The following KCTD3 variants were observed in gnomAD, a reference collection of about 807,000 sequenced individuals.
KCTD3 encodes BTB/POZ domain-containing protein KCTD3.
Under a neutral mutation model 85.8 loss-of-function variants are expected in KCTD3, and 41 were observed. The ratio of observed to expected loss-of-function variants is 0.48; its 90% CI spans 0.37 to 0.62. The LOEUF is 0.62. Ranked by LOEUF, KCTD3 falls within the 20% of genes least tolerant of loss-of-function variation. The probability of loss-of-function intolerance (pLI) is 0.00; values close to 1 mark genes in which losing one functional copy is unlikely to be tolerated. For synonymous variants in KCTD3, 338 were observed against 345.4 expected (o/e 0.98, Z 0.24); for missense variants, 724 against 989.9 (o/e 0.73, Z 3.60).
chr1:215,615,408 C>G (rs1056387270), intron 15 of KCTD3, among the ~76,000 whole-genome samples: 25 of 152,144 alleles, frequency 1.6e-4, no homozygotes, highest in African/African-American at 5.1e-4. Flanking sequence ...ATCACAAGGT[C>G]AGGAGATTGA....
At chr1:215,583,740 C>T (rs1393592118) in intron 8 of KCTD3, among the ~76,000 whole-genome samples, 1 of 152,174 alleles carries the variant, frequency 6.6e-6, no homozygotes, top group Non-Finnish European at 1.5e-5. Context: ...TCTGTAACTT[C>T]TGCAGTCTGA....
chr1:215,602,972 C>T (rs1199453081), intron 12 of KCTD3, among the ~76,000 whole-genome samples: 1 of 152,098 alleles, frequency 6.6e-6, no homozygotes, highest in Non-Finnish European at 1.5e-5. Flanking sequence ...GTTTAGTAAA[C>T]CACGGATTTC....
chr1:215,608,249 C>A, intron 14 of KCTD3, 77 bp downstream of exon 14: 1 of 902,344 alleles, frequency 1.1e-6, no homozygotes, highest in Non-Finnish European at 1.6e-6. Context: ...AATAAAACCA[C>A]AAAAATGAGT....
rs1325890669 is a variant in KCTD3, at chr1:215,621,159, T to C, written c.*541T>C. 6.5e-6 allele frequency: 1 copy of C among 152,856 alleles called. No individual in the cohort carries two copies. Among genetic ancestry groups the C allele is most frequent in the Admixed American group, 6.5e-5 (1 of 15,282 alleles). The allele number at this position is 152,856 out of a possible 1,614,324, so 9.5% of individuals were successfully genotyped here. ...AACACTATTGATATTGAATACCAGA[T>C]ACCACTATGTAGTAAGTCTTTTAGG... On this transcript the variant is annotated 3_prime_UTR_variant, in exon 18 of 18. Transcript: ENST00000259154.
intron 3 of KCTD3, among the ~76,000 whole-genome samples, chr1:215,574,599 G>A (rs914960336): frequency 1.3e-5 from 2 of 152,146 alleles, no homozygotes; most frequent in Admixed American, 1.3e-4. Context: ...CCATTTGGAG[G>A]CAACAAAGTG....
chr1:215,581,705 A>G (rs1659831569), intron 8 of KCTD3, among the ~76,000 whole-genome samples: 1 of 152,234 alleles, frequency 6.6e-6, no homozygotes, highest in South Asian at 2.1e-4. Context: ...TGCTTTCACC[A>G]AGTGTCTGAC....
At position 215,611,931 on chromosome 1, in the gene KCTD3, T is replaced by C. The variant is rs760085722; in HGVS notation, c.1562+10T>C. ...CATCGACTGGAAAAAGGTAACACTT[T>C]ATTGTAAAAATATTTGTATTCAGAA... On this transcript the variant is annotated intron_variant, in intron 15 of 17. Coordinates refer to ENST00000259154, the MANE Select transcript of KCTD3 (RefSeq NM_016121.5). The C allele has an allele frequency of 1.7e-5, 27 of 1,552,120 alleles. No homozygotes were observed. The highest frequency in any genetic ancestry group is 1.0e-4 in the Admixed American group (6 of 59,562).
chr1:215,604,143 A>G lies in KCTD3; in HGVS notation c.1150A>G (p.Asn384Asp). The G allele has an allele frequency of 1.2e-6, 2 of 1,611,830 alleles. No homozygotes were observed. Among genetic ancestry groups the G allele is most frequent in the Admixed American group, 3.4e-5 (2 of 59,548 alleles). Residue 384 changes from asparagine (N) to aspartate (D), a missense_variant, in exon 13 of 18, where the codon AAC becomes GAC. Around this residue, in one of 6 missense-constraint regions of KCTD3, gnomAD observed 146 missense variants for 320.3 expected, o/e 0.46. Transcript: ENST00000259154. ...YLTPKTSVSG[N>D]WIEIAYGTSS... is the part of the protein sequence containing the mutation. ...TTGACTTTATATAGGTGTCAGTGGT[A>G]ACTGGATCGAGATCGCCTATGGTAC... is the stretch of plus-strand genomic sequence containing the variant.
At chr1:215,591,298 C>G (rs1295512914) in intron 9 of KCTD3, among the ~76,000 whole-genome samples, 1 of 125,764 alleles carries the variant, frequency 8.0e-6, no homozygotes, top group Non-Finnish European at 1.6e-5. Flanking sequence ...TTCCTTCCTT[C>G]CTTCCTTCCT....
In KCTD3 at chr1:215,620,577, C is replaced by T; in HGVS notation, c.2407C>T (p.His803Tyr). The T allele has an allele frequency of 6.2e-7, 1 of 1,605,698 alleles. No homozygotes were observed. The highest frequency in any genetic ancestry group is 8.5e-7 in the Non-Finnish European group (1 of 1,177,174). The change falls in exon 18 of 18, where the codon CAT becomes TAT. Residue 803 changes from histidine to tyrosine, a missense_variant. By Grantham distance (83) the His-to-Tyr change is moderately conservative. Coordinates refer to ENST00000259154, the MANE Select transcript of KCTD3 (RefSeq NM_016121.5). The stretch of plus-strand genomic sequence containing the variant: ...TACAAAGACTACTCCATCTCCTCGG[C>T]ATAAAAAAAGTGATTCTTCAGGTCA... ...SPTKTTPSPR[H>Y]KKSDSSGQEY...
rs1179170559 is a variant in KCTD3, at chr1:215,579,044, T to A, written c.442T>A (p.Ser148Thr). 1 of 1,582,168 alleles carries A rather than the reference T, an allele frequency of 6.3e-7. No individual in the cohort carries two copies. The highest frequency in any genetic ancestry group is 1.9e-5 in the Admixed American group (1 of 51,732). Residue 148 changes from serine (S) to threonine (T), a missense_variant, in exon 7 of 18, where the codon TCT becomes ACT. Ser to Thr is a moderately conservative substitution (Grantham distance 58, BLOSUM62 1). Transcript: ENST00000259154. Reference sequence around the variant, plus strand: ...AAACAACACAGTCAGATCTGCTGATTCTAGGAATGGTCTAAATTCTACAGA... The same window carrying A: ...AAACAACACAGTCAGATCTGCTGATACTAGGAATGGTCTAAATTCTACAGA... ...KINNTVRSAD[S>T]RNGLNSTEGE...
chr1:215,620,537 T>C lies in KCTD3; in HGVS notation c.2367T>C (p.Thr789=), dbSNP rs1655635395. ...TSDGGTDSPG[T]ASPSPTKTTP... Reference sequence around the variant, plus strand: ...ATGGAGGAACTGACTCACCTGGTACTGCGTCCCCATCTCCTACAAAGACTA... The same window carrying C: ...ATGGAGGAACTGACTCACCTGGTACCGCGTCCCCATCTCCTACAAAGACTA... The change falls in exon 18 of 18, where the codon ACT becomes ACC. Residue 789 remains threonine (T), a synonymous_variant. Coordinates refer to ENST00000259154, the MANE Select transcript of KCTD3 (RefSeq NM_016121.5). 1.9e-6 allele frequency: 3 copies of C among 1,613,842 alleles called. No individual in the cohort carries two copies. The highest frequency in any genetic ancestry group is 1.1e-5 in the South Asian group (1 of 91,052).
At chr1:215,577,623 T>C (rs1321632840) in intron 4 of KCTD3, 47 bp from the exon 5 acceptor site, 3 of 1,218,248 alleles carry the variant, frequency 2.5e-6, no homozygotes, top group Non-Finnish European at 3.7e-6. Context: ...CAGATGATAA[T>C]ACAGGTTTCC....
intron 9 of KCTD3, among the ~76,000 whole-genome samples, chr1:215,592,509 G>A (rs1381207870): frequency 6.6e-6 from 1 of 152,066 alleles, no homozygotes; most frequent in Non-Finnish European, 1.5e-5. Flanking sequence ...TAATACACTG[G>A]TAATTAAACA....
intron 9 of KCTD3, among the ~76,000 whole-genome samples, chr1:215,588,744 C>G (rs2102573158): frequency 6.6e-6 from 1 of 152,282 alleles, no homozygotes; most frequent in South Asian, 2.1e-4. Context: ...AACACCAGGT[C>G]TAGCTAATAC....
At position 215,601,925 on chromosome 1, in the gene KCTD3, G is replaced by T; in HGVS notation, c.992G>T (p.Gly331Val). 6.2e-7 allele frequency: 1 copy of T among 1,605,272 alleles called. No homozygotes were observed. The highest frequency in any genetic ancestry group is 8.5e-7 in the Non-Finnish European group (1 of 1,172,602). ...ACTGCTGGATCATTCCTTCTGCTTG[G>T]ATGTAACAATGGATCAATATATTAC... ...YDTAGSFLLL[G>V]CNNGSIYYID... The change falls in exon 11 of 18, where the codon GGA becomes GTA. Residue 331 changes from glycine (G) to valine (V), a missense_variant. By Grantham distance (109) the Gly-to-Val change is moderately radical. Around this residue, in one of 6 missense-constraint regions of KCTD3, gnomAD observed 146 missense variants for 320.3 expected, o/e 0.46. Transcript: ENST00000259154.
chr1:215,597,721 A>C (rs1290088341), intron 10 of KCTD3, among the ~76,000 whole-genome samples: 3 of 151,928 alleles, frequency 2.0e-5, no homozygotes, highest in Admixed American at 6.6e-5. Context: ...AATTTGGGAG[A>C]CTTGTTTGAT....
intron 8 of KCTD3, among the ~76,000 whole-genome samples, chr1:215,583,668 C>G (rs1419857429): frequency 1.3e-5 from 2 of 152,132 alleles, no homozygotes; most frequent in African/African-American, 4.8e-5. Context: ...GACATGTTTT[C>G]CCCTTCCCTT....
chr1:215,617,981 T>C, intron 15 of KCTD3: 1 of 280,816 alleles, frequency 3.6e-6, no homozygotes. Flanking sequence ...TTTGTCTGAA[T>C]TGTATAAAAG....
Sources: gnomAD v4.1 joint callset for allele counts (sites outside exome capture counted in the v4.1 genomes callset) on GRCh38, gnomAD v4.1.1 for gene constraint, gnomAD v4.1.1 regional missense constraint, MANE v1.5 for transcripts, NCBI Gene and HGNC (gene_info 2026-07-23, HGNC 2026-07-21) for gene names.